The following TSC22D2 variants were observed in gnomAD, a reference collection of about 807,000 sequenced individuals.
The protein encoded by TSC22D2 is TSC22 domain family protein 2.
Under a neutral mutation model 50.1 loss-of-function variants are expected in TSC22D2, and 5 were observed. That is an observed-to-expected ratio of 0.10 (90% CI 0.05 to 0.21). The LOEUF is 0.21. Among genes scored for constraint, TSC22D2 ranks in the 10% least tolerant of loss-of-function variants. TSC22D2 has a pLI of 1.00. For synonymous variants in TSC22D2, 501 were observed against 450.1 expected (o/e 1.11, Z -1.43); for missense variants, 1,003 against 1,015.5 (o/e 0.99, Z 0.17).
In TSC22D2 at chr3:150,460,408, A is replaced by ATGAGAACCAGTAG. The variant is rs1454435083; in HGVS notation, c.*1774_*1786dup. 2.2e-3 allele frequency: 340 copies of ATGAGAACCAGTAG among 152,336 alleles called. 2 individuals carry two copies. The highest frequency in any genetic ancestry group is 6.9e-3 in the African/African-American group (287 of 41,588). The allele number at this position is 152,336 out of a possible 1,614,324, so 9.4% of individuals were successfully genotyped here. A position where few individuals can be genotyped will look rare whatever the true frequency, so the allele number is the denominator to read the frequency against. On this transcript the variant is annotated 3_prime_UTR_variant, in exon 3 of 3. Coordinates refer to ENST00000688009, the MANE Select transcript of TSC22D2 (RefSeq NM_001303264.2). ...GTAGCCAGCTAGCTAATCAGAGTTA[A>ATGAGAACCAGTAG]TGAGAACCAGTAGTTAGTTCTCCGT...
chr3:150,436,766 A>C (rs569845998), intron 1 of TSC22D2, among the ~76,000 whole-genome samples: 1 of 152,346 alleles, frequency 6.6e-6, no homozygotes, highest in South Asian at 2.1e-4. Flanking sequence ...GTGAGATTAC[A>C]TTTGGAAAGA....
At chr3:150,445,340 T>A (rs886632782) in intron 1 of TSC22D2, among the ~76,000 whole-genome samples, 1 of 148,426 alleles carries the variant, frequency 6.7e-6, no homozygotes, top group African/African-American at 2.5e-5. Flanking sequence ...ATAATAATAA[T>A]AATAATAATA....
Position 150,410,696 on chromosome 3 carries a change from T to G in TSC22D2, c.1346T>G (p.Val449Gly). ...ACGGGACCAGCGCAAGGCGGGCAGGTCGCGCCTTGTCAGCCGACTGGAGTG... is the reference window on the plus strand; with the variant it reads ...ACGGGACCAGCGCAAGGCGGGCAGGGCGCGCCTTGTCAGCCGACTGGAGTG... ...PRTGPAQGGQ[V>G]APCQPTGVPP... The change falls in exon 1 of 3, where the codon GTC becomes GGC. Residue 449 changes from valine (V) to glycine (G), a missense_variant. By Grantham distance (109) the Val-to-Gly change is moderately radical. This residue lies in a region of TSC22D2 where 696 missense variants were observed against 647.8 expected (regional missense o/e 1.07). Transcript: ENST00000688009. 1 of 1,569,022 alleles carries G rather than the reference T, an allele frequency of 6.4e-7. No individual in the cohort carries two copies. Among genetic ancestry groups the G allele is most frequent in the Non-Finnish European group, 8.6e-7 (1 of 1,158,962 alleles).
intron 1 of TSC22D2, among the ~76,000 whole-genome samples, chr3:150,454,681 GAAT>G (rs928851208): frequency 2.6e-5 from 4 of 152,146 alleles, no homozygotes; most frequent in African/African-American, 9.7e-5. Context: ...TAGAATTCTT[GAAT>G]AATAGCCTTC....
intron 1 of TSC22D2, among the ~76,000 whole-genome samples, chr3:150,440,993 G>C (rs948701183): frequency 1.3e-5 from 2 of 150,806 alleles, no homozygotes; most frequent in South Asian, 4.2e-4. Context: ...CACAAACAAC[G>C]TGATAGGTCA....
chr3:150,410,052 G>A lies in TSC22D2; in HGVS notation c.702G>A (p.Gly234=), dbSNP rs1161437829. 6.2e-7 allele frequency: 1 copy of A among 1,613,204 alleles called. No individual in the cohort carries two copies. The highest frequency in any genetic ancestry group is 8.5e-7 in the Non-Finnish European group (1 of 1,180,024). ...TGGTAGTAGTGGCCTCCATGCAGGG[G>A]GCGCACGGGCCCGAGTCGGGAACTG... is the stretch of plus-strand genomic sequence containing the variant. ...SVVVVVASMQ[G]AHGPESGTDS... Residue 234 remains glycine, a synonymous_variant, in exon 1 of 3, where the codon GGG becomes GGA. Coordinates refer to ENST00000688009, the MANE Select transcript of TSC22D2 (RefSeq NM_001303264.2).
rs1055271257 is a variant in TSC22D2 at position 150,464,573 on chromosome 3, A to G, written c.*5937A>G. On this transcript the variant is annotated 3_prime_UTR_variant, in exon 3 of 3. Transcript: ENST00000688009. ...GTGTAAGTGTAAAAGTTAAAGTGCC[A>G]TATTGTTTATTCAGAGTATATGTTA... 8.5e-5 allele frequency: 13 copies of G among 152,184 alleles called. No individual in the cohort carries two copies. Among genetic ancestry groups the G allele is most frequent in the African/African-American group, 3.1e-4 (13 of 41,442 alleles). The allele number at this position is 152,184 out of a possible 1,614,324, so 9.4% of individuals were successfully genotyped here. A position where few individuals can be genotyped will look rare whatever the true frequency, so the allele number is the denominator to read the frequency against.
At chr3:150,443,486 A>C (rs763348978) in intron 1 of TSC22D2, among the ~76,000 whole-genome samples, 1 of 152,224 alleles carries the variant, frequency 6.6e-6, no homozygotes, top group Non-Finnish European at 1.5e-5. Context: ...GATCACAAGG[A>C]CGTTTCTCTA....
chr3:150,413,836 A>G (rs1376405565), intron 1 of TSC22D2, among the ~76,000 whole-genome samples: 2 of 152,104 alleles, frequency 1.3e-5, no homozygotes, highest in Non-Finnish European at 2.9e-5. Flanking sequence ...AAGTAGTTTG[A>G]CAAATTTCAG....
Position 150,408,718 on chromosome 3 carries a change from T to TGCCCGCGCCACAGCCCCACCGCCC in TSC22D2, c.-625_-602dup, listed in dbSNP as rs1001913322. On this transcript the variant is annotated 5_prime_UTR_variant, in exon 1 of 3. Coordinates refer to ENST00000688009, the MANE Select transcript of TSC22D2 (RefSeq NM_001303264.2). Reference sequence around the variant, plus strand: ...CTAGAGCCGGGGAGGGAGGGCCGCCTGCCCGCGCCACAGCCCCACCGCCCG... The same window carrying TGCCCGCGCCACAGCCCCACCGCCC: ...CTAGAGCCGGGGAGGGAGGGCCGCCTGCCCGCGCCACAGCCCCACCGCCCGCCCGCGCCACAGCCCCACCGCCCG... 1.3e-5 allele frequency: 2 copies of TGCCCGCGCCACAGCCCCACCGCCC among 153,044 alleles called. No individual in the cohort carries two copies. Among genetic ancestry groups the TGCCCGCGCCACAGCCCCACCGCCC allele is most frequent in the Admixed American group, 1.3e-4 (2 of 15,284 alleles). The allele number at this position is 153,044 out of a possible 1,614,324, so 9.5% of individuals were successfully genotyped here. A position where few individuals can be genotyped will look rare whatever the true frequency, so the allele number is the denominator to read the frequency against.
intron 1 of TSC22D2, among the ~76,000 whole-genome samples, chr3:150,441,557 C>T (rs1720717884): frequency 6.6e-6 from 1 of 152,044 alleles, no homozygotes; most frequent in African/African-American, 2.4e-5. Context: ...CCCAGGAGTT[C>T]AAGACCAGCC....
In TSC22D2 at chr3:150,465,204, G is replaced by C. The variant is rs1245894779; in HGVS notation, c.*6568G>C. 1 of 152,200 alleles carries C rather than the reference G, an allele frequency of 6.6e-6. No individual in the cohort carries two copies. The highest frequency in any genetic ancestry group is 6.5e-5 in the Admixed American group (1 of 15,280). The allele number at this position is 152,200 out of a possible 1,614,324, so 9.4% of individuals were successfully genotyped here. A position where few individuals can be genotyped will look rare whatever the true frequency, so the allele number is the denominator to read the frequency against. ...AAAATTAATTCTAGCTAGACTAGCA[G>C]TTAGTCTTCTACTTTTTGGTTACTC... On this transcript the variant is annotated 3_prime_UTR_variant, in exon 3 of 3. Coordinates refer to ENST00000688009, the MANE Select transcript of TSC22D2 (RefSeq NM_001303264.2).
At chr3:150,451,287 C>G (rs1343190809) in intron 1 of TSC22D2, among the ~76,000 whole-genome samples, 1 of 152,074 alleles carries the variant, frequency 6.6e-6, no homozygotes, top group Non-Finnish European at 1.5e-5. Flanking sequence ...TTTAAGGCAT[C>G]TTCAGCTTTC....
At chr3:150,444,374 T>C (rs141355373) in intron 1 of TSC22D2, among the ~76,000 whole-genome samples, 60 of 152,338 alleles carry the variant, frequency 3.9e-4, no homozygotes, top group Non-Finnish European at 7.4e-4. Context: ...ATGTTTACTA[T>C]CAATTATATG....
At position 150,463,885 on chromosome 3, in the gene TSC22D2, A is replaced by G. The variant is rs1234760296; in HGVS notation, c.*5249A>G. On this transcript the variant is annotated 3_prime_UTR_variant, in exon 3 of 3. Transcript: ENST00000688009. ...AGCATACCTGGATGGTGAGTGAGTT[A>G]GCTTTATTTTTCATTCTCAGCAGGG... The G allele has an allele frequency of 6.6e-6, 1 of 152,192 alleles. No homozygotes were observed. Among genetic ancestry groups the G allele is most frequent in the African/African-American group, 2.4e-5 (1 of 41,448 alleles). The allele number at this position is 152,192 out of a possible 1,614,324, so 9.4% of individuals were successfully genotyped here.
Position 150,462,790 on chromosome 3 carries a change from T to C in TSC22D2, c.*4154T>C. 1 of 152,186 alleles carries C rather than the reference T, an allele frequency of 6.6e-6. No individual in the cohort carries two copies. Among genetic ancestry groups the C allele is most frequent in the Non-Finnish European group, 1.5e-5 (1 of 68,114 alleles). 9.4% of individuals were successfully genotyped at this position (152,186 alleles called of 1,614,324 possible). The stretch of plus-strand genomic sequence containing the variant: ...CTGGGATTACAGGCGTGTGCCACCA[T>C]GCCAGGCTAATTTTTGTATTTTTAG... On this transcript the variant is annotated 3_prime_UTR_variant, in exon 3 of 3. Coordinates refer to ENST00000688009, the MANE Select transcript of TSC22D2 (RefSeq NM_001303264.2).
At chr3:150,424,704 T>A (rs891830264) in intron 1 of TSC22D2, among the ~76,000 whole-genome samples, 25 of 152,190 alleles carry the variant, frequency 1.6e-4, no homozygotes, top group African/African-American at 6.0e-4. Flanking sequence ...TTGAAAATAT[T>A]TATTTTCTCT....
At chr3:150,448,695 T>C (rs370111587) in intron 1 of TSC22D2, among the ~76,000 whole-genome samples, 1 of 152,146 alleles carries the variant, frequency 6.6e-6, no homozygotes, top group Non-Finnish European at 1.5e-5. Context: ...CCATTTTGAA[T>C]GTTTTAATAG....
At chr3:150,420,452 ATGTACTG>A (rs1332048171) in intron 1 of TSC22D2, among the ~76,000 whole-genome samples, 1 of 152,354 alleles carries the variant, frequency 6.6e-6, no homozygotes, top group East Asian at 1.9e-4. Context: ...ATAGAAAACC[ATGTACTG>A]TGGCTTCTTC....
Sources: allele counts gnomAD v4.1 joint callset (sites outside exome capture counted in the v4.1 genomes callset), GRCh38; gene constraint gnomAD v4.1.1; regional missense constraint gnomAD v4.1.1; transcripts MANE v1.5; gene names NCBI Gene and HGNC (gene_info 2026-07-23, HGNC 2026-07-21).